Variants in ZBTB44 observed in about 807,000 individuals in gnomAD.
The protein encoded by ZBTB44 is zinc finger and BTB domain containing 44.
ZBTB44 carries 15 observed loss-of-function variants against 54.0 expected under a neutral mutation model. That is an observed-to-expected ratio of 0.28 (90% CI 0.19 to 0.43). The LOEUF (loss-of-function observed/expected upper bound fraction) is 0.43, where lower values mean the gene tolerates loss of function less well. Ranked by LOEUF, ZBTB44 falls within the 20% of genes least tolerant of loss-of-function variation. The pLI, the probability that ZBTB44 is intolerant of heterozygous loss-of-function variation, is 1.00. For synonymous variants in ZBTB44, 230 were observed against 250.1 expected (o/e 0.92, Z 0.76); for missense variants, 487 against 707.1 (o/e 0.69, Z 3.53).
At chr11:130,289,769 A>C (rs1941195777) in intron 1 of ZBTB44, among the ~76,000 whole-genome samples, 1 of 151,960 alleles carries the variant, frequency 6.6e-6, no homozygotes, top group Non-Finnish European at 1.5e-5. Flanking sequence ...AATTTAACCA[A>C]CTCTGAGGCT....
intron 1 of ZBTB44, among the ~76,000 whole-genome samples, chr11:130,306,207 A>G (rs1000504613): frequency 1.4e-4 from 21 of 152,224 alleles, no homozygotes; most frequent in African/African-American, 5.1e-4. Flanking sequence ...AGATTCCTTT[A>G]AGAACTAAAA....
chr11:130,243,164 CTTTAT>C (rs1440898093), intron 2 of ZBTB44, among the ~76,000 whole-genome samples: 2 of 152,206 alleles, frequency 1.3e-5, no homozygotes, highest in Non-Finnish European at 2.9e-5. Context: ...AGCATATTTA[CTTTAT>C]ATCTGTGCTT....
At chr11:130,292,885 TAA>T (rs1941389141) in intron 1 of ZBTB44, among the ~76,000 whole-genome samples, 1 of 152,192 alleles carries the variant, frequency 6.6e-6, no homozygotes, top group Non-Finnish European at 1.5e-5. Context: ...TTCTCACTAT[TAA>T]GACTCTTTTT....
At chr11:130,287,102 A>T (rs10488778) in intron 1 of ZBTB44, among the ~76,000 whole-genome samples, 9,751 of 152,212 alleles carry the variant, frequency 0.064, 748 homozygotes, top group African/African-American at 0.18. Flanking sequence ...TCAAATTATT[A>T]CCCAACTAAC....
chr11:130,236,216 C>T (rs1473674223), intron 5 of ZBTB44: 3 of 1,283,626 alleles, frequency 2.3e-6, no homozygotes, highest in African/African-American at 3.0e-5. Context: ...CCTGGGATGC[C>T]CTATAAATCA....
In ZBTB44 at chr11:130,227,598, A is replaced by G. The variant is rs1953737899; in HGVS notation, c.*4166T>C. 1 of 152,208 alleles carries G rather than the reference A, an allele frequency of 6.6e-6. No individual in the cohort carries two copies. Among genetic ancestry groups the G allele is most frequent in the South Asian group, 2.1e-4 (1 of 4,836 alleles). 9.4% of individuals were successfully genotyped at this position (152,208 alleles called of 1,614,324 possible). A position where few individuals can be genotyped will look rare whatever the true frequency, so the allele number is the denominator to read the frequency against. On this transcript the variant is annotated 3_prime_UTR_variant, in exon 8 of 8. Transcript: ENST00000357899. Reference sequence around the variant, plus strand: ...AAGCATGCATCAGCTACCCAAAGCCATCAGTCACCCATCTGGAAGACCATG... The same window carrying G: ...AAGCATGCATCAGCTACCCAAAGCCGTCAGTCACCCATCTGGAAGACCATG...
chr11:130,305,130 C>T (rs1565339247), intron 1 of ZBTB44, among the ~76,000 whole-genome samples: 1 of 151,960 alleles, frequency 6.6e-6, no homozygotes, highest in Non-Finnish European at 1.5e-5. Flanking sequence ...AATGGAAACA[C>T]ATCCCATGCT....
chr11:130,259,727 C>CA (rs1938713552), intron 2 of ZBTB44, among the ~76,000 whole-genome samples: 3 of 149,296 alleles, frequency 2.0e-5, no homozygotes, highest in Non-Finnish European at 4.4e-5. Flanking sequence ...ACCACATGTT[C>CA]TTACTAATAA....
At chr11:130,282,896 T>A (rs1050947896) in intron 1 of ZBTB44, among the ~76,000 whole-genome samples, 3 of 152,066 alleles carry the variant, frequency 2.0e-5, no homozygotes, top group Non-Finnish European at 4.4e-5. Flanking sequence ...CACATTGGTC[T>A]CCAATTCCTG....
Position 130,234,233 on chromosome 11 carries a change from C to T in ZBTB44, c.1609G>A (p.Glu537Lys), listed in dbSNP as rs1591918449. 6.6e-7 allele frequency: 1 copy of T among 1,526,650 alleles called. No homozygotes were observed. The highest frequency in any genetic ancestry group is 2.4e-5 in the East Asian group (1 of 41,448). The allele number at this position is 1,526,650 out of a possible 1,614,324, so 94.6% of individuals were successfully genotyped here. ...CCAAGATCATATTGAACAAGGGTCT[C>T]TTCTTGTTCCTGGTTTAAGTAGTCC... The part of the protein sequence containing the change: ...VPDYLNQEQE[E>K]TLVQYDLGEH... Residue 537 changes from glutamate to lysine, a missense_variant, in exon 6 of 8, where the codon GAG (glutamate) becomes AAG (lysine). Physicochemically the swap from Glu to Lys is moderately conservative, Grantham distance 56 (BLOSUM62 1). Around this residue, in one of 3 missense-constraint regions of ZBTB44, gnomAD observed 120 missense variants for 240.3 expected, o/e 0.50. Coordinates refer to ENST00000357899, the MANE Select transcript of ZBTB44 (RefSeq NM_001301098.2).
chr11:130,250,638 G>C (rs867186081), intron 2 of ZBTB44, among the ~76,000 whole-genome samples: 1 of 152,218 alleles, frequency 6.6e-6, no homozygotes, highest in South Asian at 2.1e-4. Flanking sequence ...CAGGCTAATA[G>C]GGTCTGGAGT....
intron 1 of ZBTB44, among the ~76,000 whole-genome samples, chr11:130,273,948 C>T (rs967829916): frequency 3.0e-5 from 4 of 134,886 alleles, no homozygotes; most frequent in East Asian, 4.6e-4. Context: ...ATTAGTTTGA[C>T]GTGGTGGCAC....
chr11:130,292,149 T>C (rs1941338814), intron 1 of ZBTB44, among the ~76,000 whole-genome samples: 1 of 152,258 alleles, frequency 6.6e-6, no homozygotes, highest in South Asian at 2.1e-4. Context: ...TGTAACACAA[T>C]CTGTTTATCA....
At chr11:130,239,991 T>C in intron 2 of ZBTB44, 95 bp from the exon 3 acceptor site, 1 of 817,566 alleles carries the variant, frequency 1.2e-6, no homozygotes, top group Non-Finnish European at 2.0e-6. Flanking sequence ...CTCTGACATA[T>C]ATTATCTAGT....
At chr11:130,292,771 C>G (rs779973173) in intron 1 of ZBTB44, among the ~76,000 whole-genome samples, 28 of 152,260 alleles carry the variant, frequency 1.8e-4, no homozygotes, top group African/African-American at 6.7e-4. Context: ...CACAGCTCAA[C>G]GTAGAAACTT....
intron 1 of ZBTB44, among the ~76,000 whole-genome samples, chr11:130,301,432 T>C (rs956099187): frequency 1.3e-5 from 2 of 152,114 alleles, no homozygotes; most frequent in Admixed American, 6.5e-5. Context: ...GGCAAGCAGA[T>C]CACGTGAGCT....
At chr11:130,234,612 C>T (rs1954024673) in intron 5 of ZBTB44, among the ~76,000 whole-genome samples, 1 of 152,152 alleles carries the variant, frequency 6.6e-6, no homozygotes, top group African/African-American at 2.4e-5. Flanking sequence ...AAACAAAGAT[C>T]ATCTGAGTAA....
At chr11:130,310,620 T>C (rs1423385690) in intron 1 of ZBTB44, 2 of 152,242 alleles carry the variant, frequency 1.3e-5, no homozygotes, top group African/African-American at 4.8e-5. Flanking sequence ...AATTTGTCTA[T>C]TGCTAATTCT....
chr11:130,284,920 C>T (rs1940836083), intron 1 of ZBTB44: 1 of 151,898 alleles, frequency 6.6e-6, no homozygotes, highest in Non-Finnish European at 1.5e-5. Flanking sequence ...AAAAACAGGA[C>T]CTGGGGGCCA....
Sources: allele counts gnomAD v4.1 joint callset (sites outside exome capture counted in the v4.1 genomes callset), GRCh38; gene constraint gnomAD v4.1.1; regional missense constraint gnomAD v4.1.1; transcripts MANE v1.5; gene names NCBI Gene and HGNC (gene_info 2026-07-23, HGNC 2026-07-21).